TMEM62: variants seen among roughly 807,000 people sequenced by gnomAD.
TMEM62 encodes the protein transmembrane protein 62.
TMEM62 carries 41 observed loss-of-function variants against 70.4 expected under a neutral mutation model. The observed-to-expected ratio is 0.58, with a 90% CI of 0.45 to 0.76. TMEM62 has a LOEUF of 0.76. Among genes scored for constraint, TMEM62 ranks in the 30% least tolerant of loss-of-function variants. The probability of loss-of-function intolerance (pLI) is 0.00; values close to 1 mark genes in which losing one functional copy is unlikely to be tolerated. For missense variants in TMEM62, 688 were observed against 788.5 expected (o/e 0.87, Z 1.53); for synonymous variants, 268 against 291.0 (o/e 0.92, Z 0.80).
Position 43,160,724 on chromosome 15 carries a change from T to C in TMEM62, c.1226T>C (p.Val409Ala). The C allele has an allele frequency of 1.9e-6, 3 of 1,613,120 alleles. No homozygotes were observed. Among genetic ancestry groups the C allele is most frequent in the Non-Finnish European group, 2.5e-6 (3 of 1,179,362 alleles). The change falls in exon 10 of 14, where the codon GTT becomes GCT. Residue 409 changes from valine to alanine, a missense_variant. Val to Ala is a moderately conservative substitution (Grantham distance 64). Transcript: ENST00000260403. ...AAGAGTGTTCACCACATATTTTCTG[T>C]TCAAGAGAATAATCATCTCAGTTTT... Reference protein sequence around the residue: ...RSKSVHHIFSVQENNHLSFDP... With the variant: ...RSKSVHHIFSAQENNHLSFDP...
intron 2 of TMEM62, 38 bp from the exon 3 acceptor site, chr15:43,135,474 A>G (rs749475747): frequency 1.3e-6 from 2 of 1,561,960 alleles, no homozygotes; most frequent in East Asian, 4.5e-5. Context: ...CCAGTAGTTT[A>G]TTTTGCATTG....
At chr15:43,184,083 G>A in intron 13 of TMEM62, 177 bp from the exon 14 acceptor site, 1 of 613,458 alleles carries the variant, frequency 1.6e-6, no homozygotes, top group Non-Finnish European at 2.9e-6. Flanking sequence ...AAAAGGACAT[G>A]GGCAAATACA....
intron 10 of TMEM62, among the ~76,000 whole-genome samples, chr15:43,162,432 C>T (rs1388839180): frequency 7.3e-6 from 1 of 136,572 alleles, no homozygotes; most frequent in African/African-American, 3.5e-5. Context: ...TGCCCCTGGC[C>T]CTTTTTTTTT....
At chr15:43,159,978 T>C (rs1478979602) in intron 9 of TMEM62, among the ~76,000 whole-genome samples, 2 of 152,092 alleles carry the variant, frequency 1.3e-5, no homozygotes, top group African/African-American at 4.8e-5. Context: ...AATCTCTTTT[T>C]TTGTTTTTTT....
chr15:43,156,637 C>A (rs573146527), intron 9 of TMEM62, among the ~76,000 whole-genome samples: 12 of 151,958 alleles, frequency 7.9e-5, no homozygotes, highest in Admixed American at 2.0e-4. Flanking sequence ...GAAAAAAAAA[C>A]CATAGCTTAT....
intron 11 of TMEM62, among the ~76,000 whole-genome samples, chr15:43,170,231 C>T (rs1030302461): frequency 6.6e-6 from 1 of 152,088 alleles, no homozygotes; most frequent in East Asian, 1.9e-4. Context: ...TGTTGTTGTG[C>T]CCAAACTCTA....
chr15:43,179,479 T>C (rs1315711474), intron 12 of TMEM62, among the ~76,000 whole-genome samples: 1 of 152,218 alleles, frequency 6.6e-6, no homozygotes, highest in Admixed American at 6.5e-5. Context: ...CATAAGACTC[T>C]AGTGGAGCTG....
At position 43,136,096 on chromosome 15, in the gene TMEM62, C is replaced by A. The variant is rs115526020; in HGVS notation, c.430+447C>A. ...TGAGTTTTAGCAAAACTCATGCAGA[C>A]AGATGTTTTAATAAATATACATTTT... On this transcript the variant is annotated intron_variant, in intron 3 of 13. Coordinates refer to ENST00000260403, the MANE Select transcript of TMEM62 (RefSeq NM_024956.4). Among the ~76,000 whole-genome samples, 1,132 of 152,066 alleles carry A rather than the reference C, an allele frequency of 7.4e-3. 15 individuals carry two copies. Among genetic ancestry groups the A allele is most frequent in the African/African-American group, 0.026 (1,085 of 41,450 alleles).
chr15:43,153,697 C>T (rs2037688573), intron 8 of TMEM62, among the ~76,000 whole-genome samples: 1 of 151,712 alleles, frequency 6.6e-6, no homozygotes, highest in African/African-American at 2.4e-5. Context: ...TATATACACA[C>T]ATATGTATAC....
intron 12 of TMEM62, 133 bp downstream of exon 12, chr15:43,178,844 T>G (rs562210160): frequency 1.9e-6 from 1 of 536,042 alleles, no homozygotes; most frequent in Non-Finnish European, 3.2e-6. Flanking sequence ...GGGACATGGT[T>G]TTGGAAAATA....
intron 4 of TMEM62, among the ~76,000 whole-genome samples, chr15:43,145,287 C>T (rs925774209): frequency 1.4e-5 from 2 of 146,436 alleles, no homozygotes; most frequent in African/African-American, 5.1e-5. Flanking sequence ...TCACTGCAAG[C>T]TCCGCCTCCC....
rs182833064 is a variant in TMEM62, at chr15:43,173,642, C to T, written c.1381+3965C>T. 3.9e-4 allele frequency among the ~76,000 whole-genome samples: 60 copies of T among 152,210 alleles called. 1 individual carries two copies. The highest frequency in any genetic ancestry group is 1.4e-3 in the African/African-American group (59 of 41,522). ...GTTATTTTTCTAAACTTATCTAAAT[C>T]TTAGCCTCCTGTAAGGCTTACCTGA... On this transcript the variant is annotated intron_variant, in intron 11 of 13. Coordinates refer to ENST00000260403, the MANE Select transcript of TMEM62 (RefSeq NM_024956.4).
At chr15:43,162,573 C>T (rs1353200615) in intron 10 of TMEM62, among the ~76,000 whole-genome samples, 6 of 151,756 alleles carry the variant, frequency 4.0e-5, no homozygotes, top group Non-Finnish European at 5.9e-5. Flanking sequence ...CCAGGATTAC[C>T]GGCGCCCACC....
chr15:43,144,020 T>C (rs1254366704), intron 4 of TMEM62, among the ~76,000 whole-genome samples: 1 of 152,188 alleles, frequency 6.6e-6, no homozygotes, highest in Non-Finnish European at 1.5e-5. Flanking sequence ...GAAAATAACA[T>C]GAAGAAATGG....
chr15:43,133,845 G>A lies in TMEM62; in HGVS notation c.43G>A (p.Ala15Thr). Residue 15 changes from alanine to threonine, a missense_variant, in exon 1 of 14, where the codon GCC (alanine) becomes ACC (threonine). Transcript: ENST00000260403. ...LALRVVAGLA[A>T]AALVAMLLEH... ...TCTCAGGGTGGTCGCGGGGTTGGCG[G>A]CCGCAGCGCTGGTGGCCATGCTCTT... 2.7e-6 allele frequency: 4 copies of A among 1,459,610 alleles called. No homozygotes were observed. The highest frequency in any genetic ancestry group is 2.7e-5 in the South Asian group (2 of 74,960). The allele number at this position is 1,459,610 out of a possible 1,614,324, so 90.4% of individuals were successfully genotyped here.
At chr15:43,142,107 G>T (rs1022364066) in intron 4 of TMEM62, among the ~76,000 whole-genome samples, 1 of 151,900 alleles carries the variant, frequency 6.6e-6, no homozygotes, top group African/African-American at 2.4e-5. Flanking sequence ...TGTTGGAGAG[G>T]ATTGGATTTC....
chr15:43,148,468 G>A (rs1222460212), intron 5 of TMEM62, among the ~76,000 whole-genome samples: 2 of 152,150 alleles, frequency 1.3e-5, no homozygotes, highest in African/African-American at 2.4e-5. Flanking sequence ...GTTATACAAA[G>A]CTGTAAAGAT....
At chr15:43,145,493 C>T (rs2036562949) in intron 4 of TMEM62, among the ~76,000 whole-genome samples, 1 of 152,084 alleles carries the variant, frequency 6.6e-6, no homozygotes, top group African/African-American at 2.4e-5. Flanking sequence ...GCGGGAGCCA[C>T]CGCGCCTGGC....
intron 4 of TMEM62, chr15:43,146,174 C>T (rs2036636559): frequency 5.3e-6 from 1 of 187,266 alleles, no homozygotes. Context: ...ACTAAATCTG[C>T]AAATGATTGA....
Sources: gnomAD v4.1 joint callset for allele counts (sites outside exome capture counted in the v4.1 genomes callset) on GRCh38, gnomAD v4.1.1 for gene constraint, MANE v1.5 for transcripts, NCBI Gene and HGNC (gene_info 2026-07-23, HGNC 2026-07-21) for gene names.